PARD3B: variants seen among roughly 807,000 people sequenced by gnomAD.
PARD3B encodes the protein par-3 family cell polarity regulator beta, also known as partitioning defective 3 homolog B.
PARD3B carries 103 observed loss-of-function variants against 130.2 expected under a neutral mutation model. The ratio of observed to expected loss-of-function variants is 0.79; its 90% CI spans 0.67 to 0.93. The LOEUF (loss-of-function observed/expected upper bound fraction) is 0.93. Ranked by LOEUF, PARD3B falls within the 40% of genes least tolerant of loss-of-function variation. PARD3B has a pLI of 0.00. For missense variants in PARD3B, 1,609 were observed against 1,499.2 expected (o/e 1.07, Z -1.21); for synonymous variants, 583 against 553.2 (o/e 1.05, Z -0.76).
At chr2:204,711,213 C>A (rs1257913230) in intron 2 of PARD3B, among the ~76,000 whole-genome samples, 2 of 152,146 alleles carry the variant, frequency 1.3e-5, no homozygotes, top group African/African-American at 4.8e-5. Context: ...GAGACAGCCA[C>A]TTAAGACCTT....
chr2:205,385,829 T>G (rs79426858), intron 18 of PARD3B, among the ~76,000 whole-genome samples: 6,768 of 152,192 alleles, frequency 0.044, 224 homozygotes, highest in Non-Finnish European at 0.065. Context: ...ATATAGGTAT[T>G]TCAGTATACC....
chr2:205,055,365 G>A (rs1299373229), intron 4 of PARD3B, among the ~76,000 whole-genome samples: 2 of 152,010 alleles, frequency 1.3e-5, no homozygotes, highest in Non-Finnish European at 2.9e-5. Flanking sequence ...AAATACTTCT[G>A]GTATGTGAAT....
At position 205,091,183 on chromosome 2, in the gene PARD3B, G is replaced by T. The variant is rs1023557646; in HGVS notation, c.505-13243G>T. Among the ~76,000 whole-genome samples the T allele has an allele frequency of 1.1e-4, 16 of 152,168 alleles. No individual in the cohort carries two copies. Among genetic ancestry groups the T allele is most frequent in the African/African-American group, 3.4e-4 (14 of 41,446 alleles). ...GAGGCTGAAGTTTTTCAACCCCAAAGTAGCCAACAAATGGAATAGAAGTTA... is the reference window on the plus strand; with the variant it reads ...GAGGCTGAAGTTTTTCAACCCCAAATTAGCCAACAAATGGAATAGAAGTTA... On this transcript the variant is annotated intron_variant, in intron 4 of 22. Transcript: ENST00000406610. This position sits in a 1 kb window ranked among gnomAD's most constrained non-coding sequence, Gnocchi z 4.2.
At chr2:205,424,591 T>G (rs1431124826) in intron 19 of PARD3B, among the ~76,000 whole-genome samples, 2 of 152,084 alleles carry the variant, frequency 1.3e-5, no homozygotes, top group East Asian at 3.9e-4. Flanking sequence ...ACCAGCCAGG[T>G]GTGAAATTCC....
At chr2:204,803,327 T>C (rs904020214) in intron 2 of PARD3B, among the ~76,000 whole-genome samples, 2 of 151,658 alleles carry the variant, frequency 1.3e-5, no homozygotes, top group Admixed American at 6.6e-5. Context: ...TAATAAACAA[T>C]AGGAAATCAT....
chr2:204,551,911 T>C (rs2030491777), intron 1 of PARD3B, among the ~76,000 whole-genome samples: 1 of 152,172 alleles, frequency 6.6e-6, no homozygotes. Flanking sequence ...TCTAAAGCAG[T>C]GTAGTGCAGT....
At chr2:205,438,935 A>C (rs981440139) in intron 19 of PARD3B, among the ~76,000 whole-genome samples, 1 of 152,086 alleles carries the variant, frequency 6.6e-6, no homozygotes, top group Non-Finnish European at 1.5e-5. Context: ...TTTTGGTCTC[A>C]TGCCTTCTTA....
At chr2:204,676,206 T>C (rs1466322266) in intron 1 of PARD3B, among the ~76,000 whole-genome samples, 1 of 152,064 alleles carries the variant, frequency 6.6e-6, no homozygotes, top group African/African-American at 2.4e-5. Flanking sequence ...TTCAAATCAA[T>C]ATAAAATTCT....
At chr2:204,737,715 A>G (rs1322525218) in intron 2 of PARD3B, among the ~76,000 whole-genome samples, 6 of 152,140 alleles carry the variant, frequency 3.9e-5, no homozygotes. Flanking sequence ...CAGATCTTAT[A>G]TTTAAGTCTT....
intron 2 of PARD3B, among the ~76,000 whole-genome samples, chr2:204,873,655 T>C (rs1029329028): frequency 6.6e-6 from 1 of 152,074 alleles, no homozygotes; most frequent in Non-Finnish European, 1.5e-5. Context: ...AATGTGGTAA[T>C]AAAGAAACAG....
At chr2:205,008,354 A>G (rs781605965) in intron 3 of PARD3B, among the ~76,000 whole-genome samples, 19 of 152,024 alleles carry the variant, frequency 1.2e-4, no homozygotes, top group Non-Finnish European at 2.4e-4. Flanking sequence ...TTCTAATAGG[A>G]AAGTTTTAGG....
At chr2:204,889,119 T>C (rs1052630042) in intron 2 of PARD3B, among the ~76,000 whole-genome samples, 1 of 152,170 alleles carries the variant, frequency 6.6e-6, no homozygotes, top group Admixed American at 6.5e-5. Flanking sequence ...CGTGCGTCTT[T>C]TTCATTTTGC....
intron 22 of PARD3B, among the ~76,000 whole-genome samples, chr2:205,559,676 G>T (rs943207140): frequency 7.2e-6 from 1 of 138,338 alleles, no homozygotes; most frequent in South Asian, 2.4e-4. Context: ...TCGGCTCACC[G>T]CAACTTCCGC....
intron 10 of PARD3B, among the ~76,000 whole-genome samples, chr2:205,133,244 A>G (rs1236981490): frequency 1.3e-5 from 2 of 152,230 alleles, no homozygotes; most frequent in Admixed American, 1.3e-4. Context: ...TATGAGAGCC[A>G]TAAGTATCAT....
intron 1 of PARD3B, among the ~76,000 whole-genome samples, chr2:204,615,702 C>A (rs1192506945): frequency 2.0e-5 from 3 of 152,106 alleles, no homozygotes; most frequent in Admixed American, 6.6e-5. Context: ...ATCTGAATAA[C>A]CGTGGTTTCT....
intron 1 of PARD3B, among the ~76,000 whole-genome samples, chr2:204,580,635 G>A (rs1187553099): frequency 6.6e-6 from 1 of 152,158 alleles, no homozygotes; most frequent in Non-Finnish European, 1.5e-5. Flanking sequence ...TGGGTTTGAG[G>A]TGCACCTTCT....
chr2:205,511,166 C>A (rs2106370714), intron 21 of PARD3B, among the ~76,000 whole-genome samples: 1 of 152,160 alleles, frequency 6.6e-6, no homozygotes, highest in South Asian at 2.1e-4. Flanking sequence ...TTTTTGAACC[C>A]AATAATATTG....
intron 21 of PARD3B, among the ~76,000 whole-genome samples, chr2:205,534,091 G>A (rs1006733094): frequency 2.7e-5 from 4 of 149,392 alleles, no homozygotes; most frequent in Non-Finnish European, 4.4e-5. Flanking sequence ...AGACATGCAT[G>A]TTTAGGAAAG....
chr2:205,338,741 A>G (rs1185080212), intron 18 of PARD3B, among the ~76,000 whole-genome samples: 3 of 152,244 alleles, frequency 2.0e-5, no homozygotes, highest in African/African-American at 7.2e-5. Context: ...AAGTGGGAAT[A>G]TAATTCTATA....
Sources: gnomAD v4.1 joint callset for allele counts (sites outside exome capture counted in the v4.1 genomes callset) on GRCh38, gnomAD v4.1.1 for gene constraint, Gnocchi (gnomAD v3.1) non-coding constraint, MANE v1.5 for transcripts, NCBI Gene and HGNC (gene_info 2026-07-23, HGNC 2026-07-21) for gene names.